PLD5: variants seen among roughly 807,000 people sequenced by gnomAD.
PLD5 encodes phospholipase D family member 5.
In PLD5, 36 loss-of-function variants were observed where a neutral mutation model predicts 61.1. The observed-to-expected ratio is 0.59, with a 90% CI of 0.45 to 0.78. PLD5 has a LOEUF of 0.78. PLD5 is among the 30% of genes least tolerant of loss of function. The pLI, the probability that PLD5 is intolerant of heterozygous loss-of-function variation, is 0.00. For missense variants in PLD5, 515 were observed against 644.4 expected, an observed-to-expected ratio of 0.80 and a Z score of 2.17; for synonymous variants, 243 against 242.8, an observed-to-expected ratio of 1.00 and a Z score of -0.01.
intron 5 of PLD5, among the ~76,000 whole-genome samples, chr1:242,193,059 C>G (rs1574487901): frequency 6.6e-6 from 1 of 152,176 alleles, no homozygotes; most frequent in Non-Finnish European, 1.5e-5. Context: ...AAATTGATCC[C>G]TACCTCCTTT....
rs148881508 is a variant in PLD5 at position 242,307,341 on chromosome 1, A to ATGATGACGG, written c.327-18820_327-18812dup. 5.6e-3 allele frequency among the ~76,000 whole-genome samples: 832 copies of ATGATGACGG among 148,698 alleles called. 3 individuals carry two copies. Among genetic ancestry groups the ATGATGACGG allele is most frequent in the East Asian group, 7.3e-3 (37 of 5,084 alleles). ...TCACGCATTTCAAAATAGCAAAACG[A>ATGATGACGG]TGATGACGGTGATGATGATGGTGAT... On this transcript the variant is annotated intron_variant, in intron 2 of 9. Transcript: ENST00000536534.
intron 2 of PLD5, among the ~76,000 whole-genome samples, chr1:242,326,217 G>A (rs933200254): frequency 4.6e-5 from 7 of 151,964 alleles, no homozygotes; most frequent in Middle Eastern, 3.2e-3. Context: ...GGTTGTTCAT[G>A]CCCCACTTTT....
At chr1:242,511,576 C>A (rs1482289076) in intron 1 of PLD5, among the ~76,000 whole-genome samples, 1 of 123,436 alleles carries the variant, frequency 8.1e-6, no homozygotes, top group African/African-American at 3.4e-5. Context: ...CCCATAATCC[C>A]AGTCTAATGA....
rs577144874 is a variant in PLD5 at position 242,174,500 on chromosome 1, A to T, written c.735+45488T>A. ...GTGGAAGTCAGTGTGGCGATTCCTC[A>T]GGGATCTAGAACTAGAAATACCATT... On this transcript the variant is annotated intron_variant, in intron 5 of 9. Coordinates refer to ENST00000536534, the MANE Select transcript of PLD5 (RefSeq NM_001372062.1). 3.3e-5 allele frequency among the ~76,000 whole-genome samples: 5 copies of T among 152,272 alleles called. No homozygotes were observed. In the South Asian group the frequency reaches 1.0e-3, roughly 32 times the overall value.
intron 3 of PLD5, among the ~76,000 whole-genome samples, chr1:242,267,997 G>A (rs868139032): frequency 3.4e-4 from 52 of 152,166 alleles, no homozygotes; most frequent in African/African-American, 1.1e-3. Flanking sequence ...CTGATTTGCA[G>A]ATTTTAGTGC....
At chr1:242,498,486 CT>C (rs1331883982) in intron 1 of PLD5, among the ~76,000 whole-genome samples, 9 of 152,222 alleles carry the variant, frequency 5.9e-5, no homozygotes, top group African/African-American at 1.9e-4. Flanking sequence ...CATTAAACAT[CT>C]TTTTTTAAAC....
At chr1:242,286,802 G>A (rs1361580042) in intron 3 of PLD5, among the ~76,000 whole-genome samples, 1 of 152,174 alleles carries the variant, frequency 6.6e-6, no homozygotes, top group Non-Finnish European at 1.5e-5. Context: ...TCTAGCCAAA[G>A]AGCCCACGTA....
At chr1:242,502,201 T>G (rs61839837) in intron 1 of PLD5, among the ~76,000 whole-genome samples, 12,187 of 152,098 alleles carry the variant, frequency 0.08, 757 homozygotes, top group Admixed American at 0.17. Context: ...ACCTCAAACT[T>G]AACATATTTA....
intron 1 of PLD5, among the ~76,000 whole-genome samples, chr1:242,465,415 G>A (rs756820600): frequency 1.6e-4 from 24 of 152,108 alleles, no homozygotes; most frequent in Admixed American, 5.2e-4. Flanking sequence ...CAAACACAAC[G>A]TGCAATCAGA....
At chr1:242,138,461 ATTC>A (rs1414761588) in intron 5 of PLD5, among the ~76,000 whole-genome samples, 2 of 152,180 alleles carry the variant, frequency 1.3e-5, no homozygotes, top group African/African-American at 2.4e-5. Context: ...TCAGAGTCAC[ATTC>A]TTTATTAGAA....
At chr1:242,149,784 C>T (rs1418578437) in intron 5 of PLD5, among the ~76,000 whole-genome samples, 1 of 151,488 alleles carries the variant, frequency 6.6e-6, no homozygotes, top group African/African-American at 2.4e-5. Flanking sequence ...ATGGTTTCTC[C>T]TCTTATTTTT....
At chr1:242,267,660 A>T (rs1039002791) in intron 3 of PLD5, among the ~76,000 whole-genome samples, 2 of 151,388 alleles carry the variant, frequency 1.3e-5, no homozygotes, top group Non-Finnish European at 2.9e-5. Context: ...TGGAAGAATC[A>T]CTTGACCCCA....
chr1:242,475,422 C>CAA (rs5782239), intron 1 of PLD5, among the ~76,000 whole-genome samples: 1,684 of 91,016 alleles, frequency 0.019, 49 homozygotes, highest in Admixed American at 0.039. Context: ...GACTCCGTCT[C>CAA]AAAAAAAAAA....
chr1:242,318,798 T>G (rs900166284), intron 2 of PLD5, among the ~76,000 whole-genome samples: 12 of 152,064 alleles, frequency 7.9e-5, no homozygotes, highest in African/African-American at 2.9e-4. Flanking sequence ...GCTATAACTT[T>G]TTTAAATTGT....
chr1:242,271,151 G>C (rs1427763012), intron 3 of PLD5, among the ~76,000 whole-genome samples: 1 of 145,722 alleles, frequency 6.9e-6, no homozygotes, highest in African/African-American at 2.6e-5. Context: ...TCAAATGCAA[G>C]AAATATCTCA....
chr1:242,322,342 T>A (rs1259734300), intron 2 of PLD5, among the ~76,000 whole-genome samples: 1 of 152,212 alleles, frequency 6.6e-6, no homozygotes, highest in African/African-American at 2.4e-5. Context: ...TCCCCAGATA[T>A]CTACCTTTTT....
chr1:242,320,908 C>T (rs1378812211), intron 2 of PLD5, among the ~76,000 whole-genome samples: 1 of 152,128 alleles, frequency 6.6e-6, no homozygotes, highest in Non-Finnish European at 1.5e-5. Flanking sequence ...AAAACCACTA[C>T]TTCAAAGACA....
intron 1 of PLD5, among the ~76,000 whole-genome samples, chr1:242,451,027 GA>G (rs1666756343): frequency 6.6e-6 from 1 of 152,152 alleles, no homozygotes; most frequent in Non-Finnish European, 1.5e-5. Flanking sequence ...CCTTTCTCTA[GA>G]AACACTCAGC....
intron 5 of PLD5, among the ~76,000 whole-genome samples, chr1:242,147,875 T>C (rs2148809180): frequency 6.6e-6 from 1 of 152,264 alleles, no homozygotes; most frequent in East Asian, 1.9e-4. Flanking sequence ...CTATTAAATT[T>C]TGAGAGTTTC....
Sources: gnomAD v4.1 joint callset for allele counts (sites outside exome capture counted in the v4.1 genomes callset) on GRCh38, gnomAD v4.1.1 for gene constraint, MANE v1.5 for transcripts, NCBI Gene and HGNC (gene_info 2026-07-23, HGNC 2026-07-21) for gene names.